The following RIMS2 variants were observed in gnomAD, a reference collection of about 807,000 sequenced individuals.
The protein encoded by RIMS2 is regulating synaptic membrane exocytosis 2, also known as regulating synaptic membrane exocytosis protein 2.
Under a neutral mutation model 174.4 loss-of-function variants are expected in RIMS2, and 59 were observed. That is an observed-to-expected ratio of 0.34 (90% CI 0.27 to 0.42). The LOEUF is 0.42. RIMS2 is among the 10% of genes least tolerant of loss of function. The pLI, the probability that RIMS2 is intolerant of heterozygous loss-of-function variation, is 1.00. For synonymous variants in RIMS2, 606 were observed against 572.5 expected (o/e 1.06, Z -0.84); for missense variants, 1,620 against 1,666.3 (o/e 0.97, Z 0.48).
At chr8:103,719,688 TG>T (rs1277150018) in intron 2 of RIMS2, among the ~76,000 whole-genome samples, 1 of 152,232 alleles carries the variant, frequency 6.6e-6, no homozygotes, top group African/African-American at 2.4e-5. Flanking sequence ...CATAATTTAA[TG>T]TTTCCCAGAC....
chr8:103,814,198 G>A (rs2098705128), intron 3 of RIMS2, among the ~76,000 whole-genome samples: 1 of 152,118 alleles, frequency 6.6e-6, no homozygotes, highest in Non-Finnish European at 1.5e-5. Flanking sequence ...GCTACATGAT[G>A]AGAACACGTG....
At chr8:104,177,348 A>G (rs114256489) in intron 19 of RIMS2, among the ~76,000 whole-genome samples, 92 of 152,248 alleles carry the variant, frequency 6.0e-4, no homozygotes, top group African/African-American at 2.0e-3. Context: ...GCTATATTCT[A>G]TATAACAGCT....
chr8:103,625,844 C>T (rs1434013768), intron 1 of RIMS2, among the ~76,000 whole-genome samples: 2 of 151,722 alleles, frequency 1.3e-5, no homozygotes, highest in Non-Finnish European at 2.9e-5. Context: ...TGTATACATA[C>T]ATGAATACAT....
At chr8:103,963,471 T>C (rs779043962) in intron 15 of RIMS2, among the ~76,000 whole-genome samples, 1 of 152,178 alleles carries the variant, frequency 6.6e-6, no homozygotes, top group Non-Finnish European at 1.5e-5. Context: ...ACTTATTCAG[T>C]TTTTCTAAGC....
chr8:104,145,671 C>CAATAAATAAATAAATA (rs61691382), intron 19 of RIMS2, among the ~76,000 whole-genome samples: 4,915 of 132,628 alleles, frequency 0.037, 127 homozygotes, highest in East Asian at 0.089. Flanking sequence ...ACTAAAAATA[C>CAATAAATAAATAAATA]AATAAATAAA....
rs1342174351 is a variant in RIMS2 at position 104,071,584 on chromosome 8, G to A, written c.3334+56969G>A. On this transcript the variant is annotated intron_variant, in intron 19 of 23. Coordinates refer to ENST00000504942, the Ensembl canonical transcript of RIMS2. ...TGAGTAGCTGGGACTACAGGCACGC[G>A]CCACCATGCCCAGCCAATTTTTTAT... Among the ~76,000 whole-genome samples, 7 of 152,108 alleles carry A rather than the reference G, an allele frequency of 4.6e-5. No homozygotes were observed. In the East Asian group the frequency reaches 7.7e-4, roughly 17 times the overall value.
At chr8:103,805,325 T>C (rs2098643041) in intron 3 of RIMS2, among the ~76,000 whole-genome samples, 2 of 152,188 alleles carry the variant, frequency 1.3e-5, no homozygotes, top group African/African-American at 2.4e-5. Context: ...CTTAGTGTTA[T>C]TAACATTAAT....
chr8:103,838,614 G>C (rs2098918979), intron 3 of RIMS2, among the ~76,000 whole-genome samples: 1 of 152,174 alleles, frequency 6.6e-6, no homozygotes. Context: ...TAACGTCAGA[G>C]TGTCTACCAT....
intron 19 of RIMS2, among the ~76,000 whole-genome samples, chr8:104,064,309 G>C (rs2097062933): frequency 6.6e-6 from 1 of 151,994 alleles, no homozygotes; most frequent in Non-Finnish European, 1.5e-5. Flanking sequence ...CAAAATATTG[G>C]ATTTTTTTTC....
In RIMS2 at chr8:104,147,513, A is replaced by G. The variant is rs142958521; in HGVS notation, c.3335-97403A>G. ...GGAAGACAAAGATATTGAATTAGAC[A>G]TAAGAGTTCACCTCAATAAGTTAGT... On this transcript the variant is annotated intron_variant, in intron 19 of 23. Coordinates refer to ENST00000504942, the Ensembl canonical transcript of RIMS2. 9.2e-5 allele frequency among the ~76,000 whole-genome samples: 14 copies of G among 152,302 alleles called. No individual in the cohort carries two copies. In the East Asian group the frequency reaches 1.7e-3, roughly 19 times the overall value.
At chr8:103,917,304 G>A (rs1234357339) in intron 8 of RIMS2, among the ~76,000 whole-genome samples, 4 of 152,046 alleles carry the variant, frequency 2.6e-5, no homozygotes, top group Non-Finnish European at 5.9e-5. Flanking sequence ...GGAAATGATG[G>A]GCCTGTATTA....
At chr8:103,871,848 A>G (rs2154513565) in intron 3 of RIMS2, among the ~76,000 whole-genome samples, 1 of 152,276 alleles carries the variant, frequency 6.6e-6, no homozygotes, top group East Asian at 1.9e-4. Context: ...AATGCCAAGA[A>G]CGAATTCTTT....
intron 3 of RIMS2, among the ~76,000 whole-genome samples, chr8:103,770,555 A>G (rs1260246800): frequency 6.6e-6 from 1 of 152,122 alleles, no homozygotes; most frequent in Non-Finnish European, 1.5e-5. Flanking sequence ...CAGCCTGGGC[A>G]ACAAGAGCGA....
At chr8:104,050,082 C>T (rs968050516) in intron 19 of RIMS2, among the ~76,000 whole-genome samples, 20 of 152,062 alleles carry the variant, frequency 1.3e-4, no homozygotes, top group African/African-American at 4.1e-4. Context: ...GCAAATTTGG[C>T]TATGCTAGAC....
chr8:104,150,331 G>A lies in RIMS2; in HGVS notation c.3335-94585G>A, dbSNP rs980791229. Among the ~76,000 whole-genome samples, 7 of 152,116 alleles carry A rather than the reference G, an allele frequency of 4.6e-5. No homozygotes were observed. In the East Asian group the frequency reaches 7.7e-4, roughly 17 times the overall value. On this transcript the variant is annotated intron_variant, in intron 19 of 23. Transcript: ENST00000504942. ...TATTTATAAGTATTGAACGCTTACCGTGTGCCAGACACATGAAGAAAAAAG... is the reference window on the plus strand; with the variant it reads ...TATTTATAAGTATTGAACGCTTACCATGTGCCAGACACATGAAGAAAAAAG...
At chr8:104,118,376 T>TTG (rs2098316387) in intron 19 of RIMS2, among the ~76,000 whole-genome samples, 1 of 148,068 alleles carries the variant, frequency 6.8e-6, no homozygotes, top group Non-Finnish European at 1.5e-5. Context: ...TTTTGTTTTT[T>TTG]TTTTTTTTGA....
chr8:103,672,942 C>G (rs142976316), intron 1 of RIMS2, among the ~76,000 whole-genome samples: 1 of 152,202 alleles, frequency 6.6e-6, no homozygotes, highest in Non-Finnish European at 1.5e-5. Context: ...TATCTACTCC[C>G]ACAGTACAAG....
Position 104,174,895 on chromosome 8 carries a change from A to G in RIMS2, c.3335-70021A>G, listed in dbSNP as rs185384637. Among the ~76,000 whole-genome samples, 290 of 152,278 alleles carry G rather than the reference A, an allele frequency of 1.9e-3. 1 individual carries two copies. The highest frequency in any genetic ancestry group is 6.4e-3 in the African/African-American group (268 of 41,564). Reference sequence around the variant, plus strand: ...ATTCTTTCACCCTTTTTATTTTCTCAGGAACTAATTGGCTAATACATTTCC... The same window carrying G: ...ATTCTTTCACCCTTTTTATTTTCTCGGGAACTAATTGGCTAATACATTTCC... On this transcript the variant is annotated intron_variant, in intron 19 of 23. Transcript: ENST00000504942.
chr8:103,928,666 AATT>A (rs1333207829), intron 11 of RIMS2, among the ~76,000 whole-genome samples: 2 of 151,236 alleles, frequency 1.3e-5, no homozygotes, highest in African/African-American at 4.8e-5. Flanking sequence ...TTTAAAATTA[AATT>A]ATTCTTGTTA....
Sources: allele counts gnomAD v4.1 joint callset (sites outside exome capture counted in the v4.1 genomes callset), GRCh38; gene constraint gnomAD v4.1.1; transcripts MANE v1.5; gene names NCBI Gene and HGNC (gene_info 2026-07-23, HGNC 2026-07-21).